FHL5: variants seen among roughly 807,000 people sequenced by gnomAD.
FHL5 encodes four and a half LIM domains 5, also known as four and a half LIM domains protein 5.
A neutral mutation model predicts 32.0 loss-of-function variants in FHL5; 33 were observed. That is an observed-to-expected ratio of 1.03 (90% CI 0.78 to 1.38). The LOEUF (loss-of-function observed/expected upper bound fraction) is 1.38, where lower values mean the gene tolerates loss of function less well. FHL5 is among the 40% of genes most tolerant of loss of function. FHL5 has a pLI of 0.00. For missense variants in FHL5, 336 were observed against 343.9 expected, an observed-to-expected ratio of 0.98 and a Z score of 0.18; for synonymous variants, 114 against 113.6, an observed-to-expected ratio of 1.00 and a Z score of -0.02.
intron 3 of FHL5, 139 bp downstream of exon 3, chr6:96,605,063 T>C (rs1411145823): frequency 1.7e-5 from 9 of 522,182 alleles, no homozygotes; most frequent in East Asian, 3.1e-5. Context: ...TCTTCTTCCG[T>C]GTACTTTAGA....
At chr6:96,607,759 G>A (rs1157205354) in intron 4 of FHL5, among the ~76,000 whole-genome samples, 1 of 151,884 alleles carries the variant, frequency 6.6e-6, no homozygotes, top group Non-Finnish European at 1.5e-5. Context: ...AAGGTGGGAA[G>A]ATTGCCTGAG....
chr6:96,616,002 G>T lies in FHL5; in HGVS notation c.*230G>T. On this transcript the variant is annotated 3_prime_UTR_variant, in exon 6 of 6. Coordinates refer to ENST00000450218, the MANE Select transcript of FHL5 (RefSeq NM_001322466.2). ...AAGACAACTCTCCTTGCAAAATACT[G>T]CACTCTGCTGTTAGAAGCAGAGGAA... The T allele has an allele frequency of 3.0e-6, 1 of 330,248 alleles. No individual in the cohort carries two copies. The highest frequency in any genetic ancestry group is 5.5e-6 in the Non-Finnish European group (1 of 182,292). The allele number at this position is 330,248 out of a possible 1,614,324, so 20.5% of individuals were successfully genotyped here.
chr6:96,597,124 C>T (rs1771051603), intron 1 of FHL5, among the ~76,000 whole-genome samples: 2 of 152,136 alleles, frequency 1.3e-5, no homozygotes, highest in Middle Eastern at 3.4e-3. Context: ...CTCAGAATTC[C>T]AAGACTTCAT....
At chr6:96,581,228 A>G (rs536422674) in intron 1 of FHL5, among the ~76,000 whole-genome samples, 2 of 152,316 alleles carry the variant, frequency 1.3e-5, no homozygotes, top group African/African-American at 4.8e-5. Context: ...AGGTGACTTA[A>G]TTGAATAAGG....
At chr6:96,594,981 C>A (rs1417105211) in intron 1 of FHL5, among the ~76,000 whole-genome samples, 1 of 151,910 alleles carries the variant, frequency 6.6e-6, no homozygotes, top group Non-Finnish European at 1.5e-5. Context: ...TTGAACCCCA[C>A]AAATTATTAT....
intron 3 of FHL5, among the ~76,000 whole-genome samples, chr6:96,605,650 A>T (rs1771260691): frequency 6.6e-6 from 1 of 152,204 alleles, no homozygotes; most frequent in African/African-American, 2.4e-5. Context: ...TCTCCAGATT[A>T]TAGGTTATGC....
In FHL5 at chr6:96,604,884, C is replaced by G. The variant is rs929098558; in HGVS notation, c.294C>G (p.Cys98Trp). The G allele has an allele frequency of 1.2e-5, 20 of 1,612,142 alleles. No homozygotes were observed. Among genetic ancestry groups the G allele is most frequent in the Non-Finnish European group, 1.7e-5 (20 of 1,179,114 alleles). ...GCACGGAGTGCTATTCTAACGAGTG[C>G]TCCTCCAAGTGCTTCCACTGCAAGA... ...LLCTECYSNE[C>W]SSKCFHCKRT... Residue 98 changes from cysteine to tryptophan, a missense_variant, in exon 3 of 6, where the codon TGC becomes TGG. Coordinates refer to ENST00000450218, the MANE Select transcript of FHL5 (RefSeq NM_001322466.2).
At chr6:96,584,461 T>TTTG (rs1562055791) in intron 1 of FHL5, among the ~76,000 whole-genome samples, 133 of 85,296 alleles carry the variant, frequency 1.6e-3, no homozygotes, top group African/African-American at 3.2e-3. Flanking sequence ...GTGTGTGTGT[T>TTTG]TGTGTGTGTG....
chr6:96,585,320 C>T (rs1169710665), intron 1 of FHL5, among the ~76,000 whole-genome samples: 1 of 152,184 alleles, frequency 6.6e-6, no homozygotes, highest in East Asian at 1.9e-4. Flanking sequence ...ATCTACTTTA[C>T]AGAATCAAAT....
intron 1 of FHL5, among the ~76,000 whole-genome samples, chr6:96,591,188 T>C (rs984958897): frequency 6.6e-6 from 1 of 152,174 alleles, no homozygotes. Context: ...AATTCACTGG[T>C]AAAGCCACTT....
At chr6:96,598,548 G>A (rs780382241) in intron 1 of FHL5, among the ~76,000 whole-genome samples, 1 of 152,110 alleles carries the variant, frequency 6.6e-6, no homozygotes. Context: ...CTTCTTTAAG[G>A]GGGTGGCTTT....
At chr6:96,569,639 A>G (rs1288864862) in intron 1 of FHL5, among the ~76,000 whole-genome samples, 1 of 151,948 alleles carries the variant, frequency 6.6e-6, no homozygotes, top group African/African-American at 2.4e-5. Flanking sequence ...CAATTGTTAC[A>G]TCTTCTTGCT....
intron 1 of FHL5, among the ~76,000 whole-genome samples, chr6:96,579,608 T>A (rs1770657071): frequency 6.6e-6 from 1 of 152,194 alleles, no homozygotes; most frequent in African/African-American, 2.4e-5. Context: ...GTACCATGTG[T>A]GTATTTTGAT....
At chr6:96,579,634 A>C (rs556378838) in intron 1 of FHL5, among the ~76,000 whole-genome samples, 1 of 152,348 alleles carries the variant, frequency 6.6e-6, no homozygotes, top group East Asian at 1.9e-4. Context: ...CATAATGCCT[A>C]ATACAATGCT....
intron 1 of FHL5, among the ~76,000 whole-genome samples, chr6:96,571,184 T>A (rs1224411629): frequency 6.6e-6 from 1 of 152,166 alleles, no homozygotes; most frequent in Non-Finnish European, 1.5e-5. Flanking sequence ...AGTTTTACTG[T>A]GCAGTTAGAA....
chr6:96,572,244 G>T (rs118186558), intron 1 of FHL5, among the ~76,000 whole-genome samples: 3,371 of 152,244 alleles, frequency 0.022, 132 homozygotes, highest in Admixed American at 0.1. Context: ...GTAATGGAGT[G>T]CATGACTGCT....
chr6:96,601,577 G>A (rs1192844135), intron 1 of FHL5, among the ~76,000 whole-genome samples: 3 of 152,068 alleles, frequency 2.0e-5, no homozygotes, highest in Non-Finnish European at 2.9e-5. Flanking sequence ...GGTTTTATAT[G>A]TTTTATATAT....
rs192166072 is a variant in FHL5, at chr6:96,614,677, A to G, written c.692-932A>G. Among the ~76,000 whole-genome samples the G allele has an allele frequency of 2.1e-3, 317 of 152,324 alleles. 1 individual carries two copies. The highest frequency in any genetic ancestry group is 4.8e-3 in the African/African-American group (200 of 41,578). On this transcript the variant is annotated intron_variant, in intron 5 of 5. Coordinates refer to ENST00000450218, the MANE Select transcript of FHL5 (RefSeq NM_001322466.2). ...CTAAGATTACTGGGAGAAAACATGAAATAAATAAAGACCCAAGCCTAGGGC... is the reference window on the plus strand; with the variant it reads ...CTAAGATTACTGGGAGAAAACATGAGATAAATAAAGACCCAAGCCTAGGGC...
At chr6:96,601,104 G>A (rs1330580698) in intron 1 of FHL5, among the ~76,000 whole-genome samples, 1 of 152,184 alleles carries the variant, frequency 6.6e-6, no homozygotes, top group Non-Finnish European at 1.5e-5. Flanking sequence ...GGGAGGCCGA[G>A]GTGAGCGGAT....
Sources: allele counts gnomAD v4.1 joint callset (sites outside exome capture counted in the v4.1 genomes callset), GRCh38; gene constraint gnomAD v4.1.1; transcripts MANE v1.5; gene names NCBI Gene and HGNC (gene_info 2026-07-23, HGNC 2026-07-21).